Variants in RNF114 observed in about 807,000 individuals in gnomAD.
RNF114 encodes E3 ubiquitin-protein ligase RNF114.
In RNF114, 6 loss-of-function variants were observed where a neutral mutation model predicts 28.4. That is an observed-to-expected ratio of 0.21 (90% CI 0.12 to 0.42). RNF114 has a LOEUF of 0.42. Ranked by LOEUF, RNF114 falls within the 10% of genes least tolerant of loss-of-function variation. RNF114 has a pLI of 1.00. For missense variants in RNF114, 249 were observed against 311.7 expected (o/e 0.80, Z 1.51); for synonymous variants, 115 against 116.7 (o/e 0.99, Z 0.09).
At chr20:49,945,176 A>C (rs372447783) in intron 2 of RNF114, 2 of 498,870 alleles carry the variant, frequency 4.0e-6, no homozygotes, top group East Asian at 3.5e-5. Context: ...GGATATCCTG[A>C]TTTAGTCGAA....
At chr20:49,947,579 C>G (rs1023374833) in intron 4 of RNF114, among the ~76,000 whole-genome samples, 3 of 151,932 alleles carry the variant, frequency 2.0e-5, no homozygotes, top group African/African-American at 7.3e-5. Flanking sequence ...TACAGATTGA[C>G]TTGGTTAAAT....
Position 49,952,298 on chromosome 20 carries a change from G to T in RNF114, c.*157G>T. On this transcript the variant is annotated 3_prime_UTR_variant, in exon 6 of 6. Transcript: ENST00000244061. The stretch of plus-strand genomic sequence containing the variant: ...TTCTGACAGGGGAAGTGGGTCCCCA[G>T]GTCAGCCCTTCTCTTCCCTTTGGGC... The T allele has an allele frequency of 1.5e-6, 1 of 668,328 alleles. No individual in the cohort carries two copies. The highest frequency in any genetic ancestry group is 2.7e-6 in the Non-Finnish European group (1 of 365,134). 41.4% of individuals were successfully genotyped at this position (668,328 alleles called of 1,614,324 possible).
At chr20:49,936,636 G>T in intron 1 of RNF114, 84 bp downstream of exon 1, 1 of 1,496,418 alleles carries the variant, frequency 6.7e-7, no homozygotes, top group Non-Finnish European at 8.9e-7. Context: ...CTCAGGGCGG[G>T]AGCCAGAGGA....
intron 2 of RNF114, among the ~76,000 whole-genome samples, chr20:49,942,128 A>G (rs1242785857): frequency 6.6e-6 from 1 of 152,006 alleles, no homozygotes; most frequent in African/African-American, 2.4e-5. Flanking sequence ...GTGTGGTGGT[A>G]TGTACCTGTA....
At chr20:49,937,183 A>G (rs980614069) in intron 1 of RNF114, among the ~76,000 whole-genome samples, 4 of 152,204 alleles carry the variant, frequency 2.6e-5, no homozygotes, top group Non-Finnish European at 5.9e-5. Context: ...TAGAGTGGTT[A>G]TAATGATTAA....
Position 49,941,544 on chromosome 20 carries a change from T to C in RNF114, c.141-17T>C. The C allele has an allele frequency of 1.3e-6, 2 of 1,569,208 alleles. No individual in the cohort carries two copies. Among genetic ancestry groups the C allele is most frequent in the Non-Finnish European group, 8.7e-7 (1 of 1,155,016 alleles). On this transcript the variant is annotated splice_polypyrimidine_tract_variant and intron_variant, in intron 1 of 5. Coordinates refer to ENST00000244061, the MANE Select transcript of RNF114 (RefSeq NM_018683.4). ...TCCATGATGCGTGACAGAGGTTCTCTGTATGTCTTGTTCTAGCTTTTGCTC... is the reference window on the plus strand; with the variant it reads ...TCCATGATGCGTGACAGAGGTTCTCCGTATGTCTTGTTCTAGCTTTTGCTC...
In RNF114 at chr20:49,945,739, C is replaced by T. The variant is rs145797196; in HGVS notation, c.398+251C>T. On this transcript the variant is annotated intron_variant, in intron 3 of 5. Coordinates refer to ENST00000244061, the MANE Select transcript of RNF114 (RefSeq NM_018683.4). The stretch of plus-strand genomic sequence containing the variant: ...GGTGTGCAGTGGTGCAATCTCAGCT[C>T]ACTGCAACCTCTGCCTCCCGGGTTC... Among the ~76,000 whole-genome samples the T allele has an allele frequency of 3.8e-3, 581 of 152,272 alleles. 2 individuals carry two copies. The highest frequency in any genetic ancestry group is 7.2e-3 in the Non-Finnish European group (492 of 68,016).
intron 2 of RNF114, among the ~76,000 whole-genome samples, chr20:49,942,555 G>A (rs1254353903): frequency 1.3e-5 from 2 of 152,222 alleles, no homozygotes; most frequent in Non-Finnish European, 2.9e-5. Context: ...TGGCAAGGTG[G>A]TTCATGCCTG....
At chr20:49,941,506 T>C in intron 1 of RNF114, 55 bp from the exon 2 acceptor site, 2 of 1,512,434 alleles carry the variant, frequency 1.3e-6, no homozygotes, top group Non-Finnish European at 1.8e-6. Flanking sequence ...TGATCCATAT[T>C]TGTCGTCTTG....
intron 5 of RNF114, among the ~76,000 whole-genome samples, chr20:49,950,330 C>G (rs945735625): frequency 4.6e-5 from 7 of 151,902 alleles, no homozygotes; most frequent in Non-Finnish European, 8.8e-5. Flanking sequence ...GCCCTGCCAC[C>G]AAATTTTTGT....
Position 49,949,465 on chromosome 20 carries a change from G to T in RNF114, c.621+110G>T. On this transcript the variant is annotated intron_variant, in intron 5 of 5. Coordinates refer to ENST00000244061, the MANE Select transcript of RNF114 (RefSeq NM_018683.4). ...CCCAGTGTTGAACTTTGTCGCTGTT[G>T]TGATGGGCTTCCAGTCTGTATACTG... 3 of 870,236 alleles carry T rather than the reference G, an allele frequency of 3.4e-6. No individual in the cohort carries two copies. The South Asian group carries it at 4.2e-5, about 12-fold the overall frequency. 53.9% of individuals were successfully genotyped at this position (870,236 alleles called of 1,614,324 possible).
In RNF114 at chr20:49,939,200, C is replaced by T. The variant is rs554110967; in HGVS notation, c.141-2361C>T. On this transcript the variant is annotated intron_variant, in intron 1 of 5. Transcript: ENST00000244061. Reference sequence around the variant, plus strand: ...GCCATATTTCCTTCATATTTTTAATCACTATCTGAAATTAACATTTGTGTT... The same window carrying T: ...GCCATATTTCCTTCATATTTTTAATTACTATCTGAAATTAACATTTGTGTT... Among the ~76,000 whole-genome samples, 4 of 152,340 alleles carry T rather than the reference C, an allele frequency of 2.6e-5. No homozygotes were observed. The East Asian group carries it at 5.8e-4, about 22-fold the overall frequency.
chr20:49,951,096 TCTTA>T (rs947500643), intron 5 of RNF114, among the ~76,000 whole-genome samples: 2 of 152,088 alleles, frequency 1.3e-5, no homozygotes, highest in Admixed American at 6.6e-5. Flanking sequence ...CAAGTAAACC[TCTTA>T]CTTACATATA....
At chr20:49,941,492 A>G in intron 1 of RNF114, 69 bp from the exon 2 acceptor site, 2 of 1,481,068 alleles carry the variant, frequency 1.4e-6, no homozygotes, top group Non-Finnish European at 1.8e-6. Flanking sequence ...GTCTTTTTAA[A>G]AGTTGATCCA....
rs145487122 is a variant in RNF114 at position 49,953,594 on chromosome 20, G to C, written c.*1453G>C. ...AATAGTTTTTTCATTAGTATTTCTCGGGAGGACCCAAAAGTTAAGGTCAGC... is the reference window on the plus strand; with the variant it reads ...AATAGTTTTTTCATTAGTATTTCTCCGGAGGACCCAAAAGTTAAGGTCAGC... On this transcript the variant is annotated 3_prime_UTR_variant, in exon 6 of 6. Transcript: ENST00000244061. 2 of 152,052 alleles carry C rather than the reference G, an allele frequency of 1.3e-5. No individual in the cohort carries two copies. The highest frequency in any genetic ancestry group is 2.9e-5 in the Non-Finnish European group (2 of 68,022). The allele number at this position is 152,052 out of a possible 1,614,324, so 9.4% of individuals were successfully genotyped here.
chr20:49,941,846 G>A (rs986701773), intron 2 of RNF114, 135 bp downstream of exon 2: 1 of 828,790 alleles, frequency 1.2e-6, no homozygotes, highest in East Asian at 2.8e-5. Context: ...ATTACCTGTG[G>A]TGATGGCTGG....
intron 4 of RNF114, among the ~76,000 whole-genome samples, chr20:49,946,652 C>T (rs1016391648): frequency 6.6e-6 from 1 of 151,918 alleles, no homozygotes; most frequent in Non-Finnish European, 1.5e-5. Context: ...TAGCAATTTC[C>T]CCCTCCCCCC....
In RNF114 at chr20:49,953,810, C is replaced by T. The variant is rs961368336; in HGVS notation, c.*1669C>T. The T allele has an allele frequency of 2.6e-5, 4 of 151,996 alleles. No homozygotes were observed. Among genetic ancestry groups the T allele is most frequent in the African/African-American group, 9.7e-5 (4 of 41,388 alleles). 9.4% of individuals were successfully genotyped at this position (151,996 alleles called of 1,614,324 possible). Reference sequence around the variant, plus strand: ...ACTTCTTGTATTTCTAATAAGATGACTTTCCAGAAAGTGAGATTTGTTATG... The same window carrying T: ...ACTTCTTGTATTTCTAATAAGATGATTTTCCAGAAAGTGAGATTTGTTATG... On this transcript the variant is annotated 3_prime_UTR_variant, in exon 6 of 6. Transcript: ENST00000244061.
intron 5 of RNF114, among the ~76,000 whole-genome samples, chr20:49,951,488 C>A (rs1392960499): frequency 6.6e-6 from 1 of 152,140 alleles, no homozygotes; most frequent in East Asian, 1.9e-4. Flanking sequence ...GACAGACTTA[C>A]AAATGTTCTG....
Sources: allele counts gnomAD v4.1 joint callset (sites outside exome capture counted in the v4.1 genomes callset), GRCh38; gene constraint gnomAD v4.1.1; transcripts MANE v1.5; gene names NCBI Gene and HGNC (gene_info 2026-07-23, HGNC 2026-07-21).